The following GRIK2 variants were observed in gnomAD, a reference collection of about 807,000 sequenced individuals.
GRIK2 encodes the protein glutamate ionotropic receptor kainate type subunit 2.
A neutral mutation model predicts 100.3 loss-of-function variants in GRIK2; 32 were observed. The observed-to-expected ratio is 0.32, with a 90% CI of 0.24 to 0.43. GRIK2 has a LOEUF of 0.43. Ranked by LOEUF, GRIK2 falls within the 20% of genes least tolerant of loss-of-function variation. The pLI is 1.00. For missense variants in GRIK2, 843 were observed against 1,114.9 expected, an observed-to-expected ratio of 0.76 and a Z score of 3.47; for synonymous variants, 417 against 389.4, an observed-to-expected ratio of 1.07 and a Z score of -0.83.
rs1298358151 is a variant in GRIK2, at chr6:101,958,261, G to C, written c.2085+29629G>C. 6.6e-5 allele frequency among the ~76,000 whole-genome samples: 10 copies of C among 150,968 alleles called. No homozygotes were observed. The East Asian group carries it at 1.8e-3, about 26-fold the overall frequency. On this transcript the variant is annotated intron_variant, in intron 14 of 16. Coordinates refer to ENST00000369134, the MANE Select transcript of GRIK2 (RefSeq NM_021956.5). ...AATGTATTGCTACATATTTGTGTGT[G>C]TGTGTGTGTGTGTGTGTGTGTGGGT... is the stretch of plus-strand genomic sequence containing the variant.
At chr6:102,040,749 G>A (rs1332044832) in intron 15 of GRIK2, among the ~76,000 whole-genome samples, 1 of 151,450 alleles carries the variant, frequency 6.6e-6, no homozygotes, top group Non-Finnish European at 1.5e-5. Context: ...GATATAATAA[G>A]TACTGAAATA....
At chr6:101,890,952 A>C (rs954102707) in intron 12 of GRIK2, among the ~76,000 whole-genome samples, 2 of 150,780 alleles carry the variant, frequency 1.3e-5, no homozygotes, top group African/African-American at 4.8e-5. Flanking sequence ...TTTTTCATGG[A>C]GATAAAAATA....
intron 2 of GRIK2, chr6:101,431,630 GA>G (rs1462943193): frequency 6.6e-6 from 1 of 152,172 alleles, no homozygotes; most frequent in Non-Finnish European, 1.5e-5. Context: ...TGTATGTATA[GA>G]AGAGAATGTG....
At chr6:102,039,704 A>G (rs1770465377) in intron 15 of GRIK2, among the ~76,000 whole-genome samples, 1 of 151,544 alleles carries the variant, frequency 6.6e-6, no homozygotes, top group South Asian at 2.1e-4. Flanking sequence ...TTGCACTTTG[A>G]GGACTAGGCA....
At chr6:101,443,700 T>G (rs915236096) in intron 2 of GRIK2, among the ~76,000 whole-genome samples, 1 of 152,018 alleles carries the variant, frequency 6.6e-6, no homozygotes, top group African/African-American at 2.4e-5. Context: ...GTGCATATAT[T>G]TGGGAGATTC....
At chr6:101,825,763 A>AT (rs1474765056) in intron 10 of GRIK2, among the ~76,000 whole-genome samples, 1 of 152,112 alleles carries the variant, frequency 6.6e-6, no homozygotes, top group Non-Finnish European at 1.5e-5. Context: ...AAAAATCTGA[A>AT]TTTTGAATTC....
chr6:101,629,739 CAGG>C (rs1387428709), intron 4 of GRIK2, among the ~76,000 whole-genome samples: 1 of 152,026 alleles, frequency 6.6e-6, no homozygotes, highest in Non-Finnish European at 1.5e-5. Flanking sequence ...ATTTTAAAAT[CAGG>C]GAGTGCATGT....
At position 101,709,693 on chromosome 6, in the gene GRIK2, A is replaced by G. The variant is rs545158751; in HGVS notation, c.951+23340A>G. On this transcript the variant is annotated intron_variant, in intron 7 of 16. Transcript: ENST00000369134. ...AGAATCTTCCATTAAAGAAATAGAT[A>G]GGTGTCATCCTCCCAGCCAAATAAC... is the stretch of plus-strand genomic sequence containing the variant. 2.6e-4 allele frequency among the ~76,000 whole-genome samples: 40 copies of G among 151,968 alleles called. No individual in the cohort carries two copies. In the East Asian group the frequency reaches 7.0e-3, roughly 27 times the overall value.
chr6:101,914,229 C>G (rs1788946713), intron 12 of GRIK2, among the ~76,000 whole-genome samples: 1 of 151,320 alleles, frequency 6.6e-6, no homozygotes, highest in Non-Finnish European at 1.5e-5. Flanking sequence ...TTTAAGAATT[C>G]TAATCTGGAT....
At chr6:101,607,152 G>T (rs568607031) in intron 2 of GRIK2, among the ~76,000 whole-genome samples, 5 of 151,982 alleles carry the variant, frequency 3.3e-5, no homozygotes, top group Non-Finnish European at 7.4e-5. Flanking sequence ...TCTATTGGGA[G>T]AAATCCATTC....
chr6:101,853,865 T>C (rs1784274738), intron 10 of GRIK2, among the ~76,000 whole-genome samples: 2 of 152,164 alleles, frequency 1.3e-5, no homozygotes, highest in African/African-American at 2.4e-5. Context: ...CTATGTGACA[T>C]TCTGGAAAAG....
chr6:101,533,022 A>C (rs1225556248), intron 2 of GRIK2, among the ~76,000 whole-genome samples: 4 of 151,928 alleles, frequency 2.6e-5, no homozygotes, highest in African/African-American at 9.7e-5. Context: ...ATTTATATTT[A>C]AAACAAAATG....
chr6:101,685,416 A>G (rs950550053), intron 6 of GRIK2, among the ~76,000 whole-genome samples: 1 of 152,108 alleles, frequency 6.6e-6, no homozygotes, highest in African/African-American at 2.4e-5. Context: ...AATATTGTCC[A>G]TAAGTTCGAG....
chr6:101,465,886 A>G (rs1467317046), intron 2 of GRIK2, among the ~76,000 whole-genome samples: 1 of 152,254 alleles, frequency 6.6e-6, no homozygotes, highest in Non-Finnish European at 1.5e-5. Context: ...AGATTAAGTT[A>G]ATTCAAGTCT....
chr6:101,908,524 A>G (rs1487728028), intron 12 of GRIK2, among the ~76,000 whole-genome samples: 2 of 151,308 alleles, frequency 1.3e-5, no homozygotes, highest in Admixed American at 1.3e-4. Context: ...CTATAATGCT[A>G]TATTTATATA....
chr6:102,021,706 A>G (rs1769431389), intron 14 of GRIK2, among the ~76,000 whole-genome samples: 1 of 151,500 alleles, frequency 6.6e-6, no homozygotes, highest in South Asian at 2.1e-4. Flanking sequence ...TCTTTTATTT[A>G]ACTAAATTCA....
intron 14 of GRIK2, among the ~76,000 whole-genome samples, chr6:101,971,774 T>C (rs1793067408): frequency 6.6e-6 from 1 of 151,864 alleles, no homozygotes; most frequent in Non-Finnish European, 1.5e-5. Flanking sequence ...TAGTTCACAT[T>C]GTCTATTATT....
intron 7 of GRIK2, among the ~76,000 whole-genome samples, chr6:101,729,015 C>G (rs1052042667): frequency 6.6e-6 from 1 of 151,830 alleles, no homozygotes; most frequent in South Asian, 2.1e-4. Flanking sequence ...TATTAAGAAG[C>G]CTTGTTTTGC....
chr6:101,498,712 GTTGT>G (rs1416507509), intron 2 of GRIK2, among the ~76,000 whole-genome samples: 10 of 151,896 alleles, frequency 6.6e-5, no homozygotes, highest in African/African-American at 2.2e-4. Context: ...TTTTGATGGG[GTTGT>G]TTGTTTTTTT....
Sources: gnomAD v4.1 joint callset for allele counts (sites outside exome capture counted in the v4.1 genomes callset) on GRCh38, gnomAD v4.1.1 for gene constraint, MANE v1.5 for transcripts, NCBI Gene and HGNC (gene_info 2026-07-23, HGNC 2026-07-21) for gene names.